The following LRRC8D variants were observed in gnomAD, a reference collection of about 807,000 sequenced individuals.
The protein encoded by LRRC8D is leucine rich repeat containing 8 VRAC subunit D.
LRRC8D carries 20 observed loss-of-function variants against 55.8 expected under a neutral mutation model. That is an observed-to-expected ratio of 0.36 (90% CI 0.25 to 0.52). The LOEUF is 0.52. Ranked by LOEUF, LRRC8D falls within the 20% of genes least tolerant of loss-of-function variation. LRRC8D has a pLI of 0.93. For synonymous variants in LRRC8D, 352 were observed against 377.0 expected, an observed-to-expected ratio of 0.93 and a Z score of 0.77; for missense variants, 651 against 1,030.8, an observed-to-expected ratio of 0.63 and a Z score of 5.05.
chr1:89,902,377 C>G (rs1662880960), intron 2 of LRRC8D, among the ~76,000 whole-genome samples: 1 of 152,254 alleles, frequency 6.6e-6, no homozygotes, highest in Admixed American at 6.5e-5. Context: ...ACCAGTTTCT[C>G]CCAGACTCAG....
intron 1 of LRRC8D, among the ~76,000 whole-genome samples, chr1:89,842,105 C>T (rs993474601): frequency 8.6e-5 from 13 of 150,298 alleles, no homozygotes; most frequent in South Asian, 8.4e-4. Context: ...TTAAGCTTCT[C>T]GGGAGGCTGA....
At chr1:89,876,836 C>T (rs1313185343) in intron 2 of LRRC8D, among the ~76,000 whole-genome samples, 2 of 152,164 alleles carry the variant, frequency 1.3e-5, no homozygotes, top group Non-Finnish European at 2.9e-5. Flanking sequence ...CCTTTATAGA[C>T]AAAGTTTGTT....
Position 89,860,809 on chromosome 1 carries a change from T to TATATACAC in LRRC8D, c.-3+17028_-3+17029insTATACACA, listed in dbSNP as rs970678615. On this transcript the variant is annotated intron_variant, in intron 2 of 2. Coordinates refer to ENST00000337338, the MANE Select transcript of LRRC8D (RefSeq NM_001134479.2). Reference sequence around the variant, plus strand: ...AAATATATATATATATATATATATATACACACACAGACGCATTTTGTACGT... The same window carrying TATATACAC: ...AAATATATATATATATATATATATATATATACACACACACACAGACGCATTTTGTACGT... Among the ~76,000 whole-genome samples the TATATACAC allele has an allele frequency of 8.5e-5, 9 of 105,538 alleles. 1 individual carries two copies. The highest frequency in any genetic ancestry group is 6.9e-4 in the South Asian group (2 of 2,904). The allele number at this position is 105,538 out of a possible 152,430, so 69.2% of individuals were successfully genotyped here. A position where few individuals can be genotyped will look rare whatever the true frequency, so the allele number is the denominator to read the frequency against.
Position 89,843,787 on chromosome 1 carries a change from G to T in LRRC8D, c.-3+5G>T. ...CAGGGTGGCCGCTTGGTCCAGGTGC[G>T]CGGGGTCGGGTCTGGGTCCAGGGAG... On this transcript the variant is annotated splice_donor_5th_base_variant and intron_variant, in intron 2 of 2. Transcript: ENST00000337338. The T allele has an allele frequency of 1.5e-6, 1 of 675,326 alleles. No homozygotes were observed. The highest frequency in any genetic ancestry group is 1.6e-5 in the South Asian group (1 of 64,336). The allele number at this position is 675,326 out of a possible 1,614,324, so 41.8% of individuals were successfully genotyped here. A position where few individuals can be genotyped will look rare whatever the true frequency, so the allele number is the denominator to read the frequency against.
Position 89,933,891 on chromosome 1 carries a change from A to G in LRRC8D, c.823A>G (p.Ile275Val). 1 of 1,613,840 alleles carries G rather than the reference A, an allele frequency of 6.2e-7. No homozygotes were observed. Among genetic ancestry groups the G allele is most frequent in the Non-Finnish European group, 8.5e-7 (1 of 1,179,844 alleles). The change falls in exon 3 of 3, where the codon ATC becomes GTC. Residue 275 changes from isoleucine (I) to valine (V), a missense_variant. This residue lies in a region of LRRC8D where 178 missense variants were observed against 374.9 expected (regional missense o/e 0.47). Transcript: ENST00000337338. The surrounding 1 kb of genome is among the most constrained non-coding windows in gnomAD (Gnocchi z 7.0). ...TGTGATTGAAGTTCCCAGCATGACAATCCTGGATAAAAAGGATGGAGAGCA... is the reference window on the plus strand; with the variant it reads ...TGTGATTGAAGTTCCCAGCATGACAGTCCTGGATAAAAAGGATGGAGAGCA... ...KPVIEVPSMTILDKKDGEQAK... is the reference protein window; with the variant it reads ...KPVIEVPSMTVLDKKDGEQAK...
At chr1:89,914,943 C>G (rs1194600470) in intron 2 of LRRC8D, among the ~76,000 whole-genome samples, 2 of 151,738 alleles carry the variant, frequency 1.3e-5, no homozygotes, top group African/African-American at 4.8e-5. Context: ...TCCGTCTTTT[C>G]CAAACTACTT....
intron 2 of LRRC8D, 103 bp from the exon 3 acceptor site, chr1:89,932,964 C>A (rs1477982583): frequency 4.3e-6 from 4 of 923,182 alleles, no homozygotes; most frequent in Non-Finnish European, 4.9e-6. Context: ...AAAGATAGGA[C>A]CTGAATGAGA....
chr1:89,828,623 C>A (rs572654418), intron 1 of LRRC8D, among the ~76,000 whole-genome samples: 1 of 152,204 alleles, frequency 6.6e-6, no homozygotes, highest in African/African-American at 2.4e-5. Flanking sequence ...TTTTACTGGC[C>A]TGTGAAATCA....
chr1:89,889,295 A>C (rs1662502800), intron 2 of LRRC8D, among the ~76,000 whole-genome samples: 1 of 152,190 alleles, frequency 6.6e-6, no homozygotes, highest in East Asian at 1.9e-4. Context: ...AAGGTTATCA[A>C]AAACAAGGAA....
At chr1:89,849,550 C>T (rs1661360503) in intron 2 of LRRC8D, among the ~76,000 whole-genome samples, 1 of 151,534 alleles carries the variant, frequency 6.6e-6, no homozygotes, top group African/African-American at 2.4e-5. Context: ...GTTGATTATA[C>T]CTAATCAATT....
At chr1:89,907,388 G>A (rs1289186727) in intron 2 of LRRC8D, among the ~76,000 whole-genome samples, 3 of 151,732 alleles carry the variant, frequency 2.0e-5, no homozygotes, top group Non-Finnish European at 4.4e-5. Flanking sequence ...ACGGGGTTTT[G>A]CCATGTTGGC....
At chr1:89,913,962 GTTGTACATATA>G (rs1663192820) in intron 2 of LRRC8D, among the ~76,000 whole-genome samples, 1 of 152,222 alleles carries the variant, frequency 6.6e-6, no homozygotes, top group African/African-American at 2.4e-5. Flanking sequence ...ATACTGTCAT[GTTGTACATATA>G]TTCTGATACG....
In LRRC8D at chr1:89,845,123, A is replaced by G. The variant is rs114597002; in HGVS notation, c.-3+1341A>G. ...GGAGTCAGGGTTAGGTGTAGAATTTACATTCATGACGTGGGATGCTGACTA... is the reference window on the plus strand; with the variant it reads ...GGAGTCAGGGTTAGGTGTAGAATTTGCATTCATGACGTGGGATGCTGACTA... On this transcript the variant is annotated intron_variant, in intron 2 of 2. Coordinates refer to ENST00000337338, the MANE Select transcript of LRRC8D (RefSeq NM_001134479.2). 6.9e-3 allele frequency among the ~76,000 whole-genome samples: 1,053 copies of G among 152,298 alleles called. 13 individuals carry two copies. Among genetic ancestry groups the G allele is most frequent in the African/African-American group, 0.024 (1,009 of 41,550 alleles).
At chr1:89,888,189 G>T (rs1004213392) in intron 2 of LRRC8D, among the ~76,000 whole-genome samples, 1 of 152,154 alleles carries the variant, frequency 6.6e-6, no homozygotes, top group Admixed American at 6.6e-5. Flanking sequence ...ATGAAAAAGG[G>T]TTACCGACTT....
chr1:89,880,093 C>G (rs1662242493), intron 2 of LRRC8D, among the ~76,000 whole-genome samples: 1 of 151,412 alleles, frequency 6.6e-6, no homozygotes, highest in African/African-American at 2.4e-5. Flanking sequence ...TTGCATGTCT[C>G]TACGACGTTT....
intron 2 of LRRC8D, among the ~76,000 whole-genome samples, chr1:89,871,178 A>G (rs550359582): frequency 5.9e-5 from 9 of 152,342 alleles, no homozygotes; most frequent in African/African-American, 1.4e-4. Flanking sequence ...CGCATTTAGT[A>G]TGATGACTAT....
intron 1 of LRRC8D, among the ~76,000 whole-genome samples, chr1:89,829,598 T>C (rs757541969): frequency 9.9e-5 from 15 of 152,224 alleles, no homozygotes; most frequent in Non-Finnish European, 1.8e-4. Flanking sequence ...GTATTTCTGT[T>C]ACATGAAAAA....
intron 2 of LRRC8D, among the ~76,000 whole-genome samples, chr1:89,897,519 GTGT>G (rs915622094): frequency 2.6e-5 from 4 of 152,156 alleles, no homozygotes; most frequent in Non-Finnish European, 4.4e-5. Context: ...TATTCATGTG[GTGT>G]TTAAAAGCAT....
intron 2 of LRRC8D, among the ~76,000 whole-genome samples, chr1:89,881,330 A>G (rs565769304): frequency 6.6e-6 from 1 of 152,224 alleles, no homozygotes; most frequent in East Asian, 1.9e-4. Context: ...GAGGGTGGGG[A>G]GGAGATTTCT....
Sources: allele counts gnomAD v4.1 joint callset (sites outside exome capture counted in the v4.1 genomes callset), GRCh38; gene constraint gnomAD v4.1.1; regional missense constraint gnomAD v4.1.1; non-coding constraint Gnocchi (gnomAD v3.1); transcripts MANE v1.5; gene names NCBI Gene and HGNC (gene_info 2026-07-23, HGNC 2026-07-21).